The following TIMM22 variants were observed in gnomAD, a reference collection of about 807,000 sequenced individuals.
TIMM22 encodes the protein mitochondrial import inner membrane translocase subunit Tim22.
TIMM22 carries 12 observed loss-of-function variants against 18.3 expected under a neutral mutation model. That is an observed-to-expected ratio of 0.65 (90% confidence interval 0.42 to 1.06). TIMM22 has a LOEUF of 1.06. Ranked by LOEUF, TIMM22 falls within the 50% of genes least tolerant of loss-of-function variation. The pLI is 0.00. For synonymous variants in TIMM22, 107 were observed against 98.5 expected (o/e 1.09, Z -0.51); for missense variants, 278 against 252.8 (o/e 1.10, Z -0.68).
Position 997,388 on chromosome 17 carries a change from C to T in TIMM22, c.238+8C>T. The T allele has an allele frequency of 2.5e-6, 4 of 1,610,714 alleles. No homozygotes were observed. Among genetic ancestry groups the T allele is most frequent in the East Asian group, 4.5e-5 (2 of 44,788 alleles). On this transcript the variant is annotated splice_region_variant and intron_variant, in intron 1 of 3. Transcript: ENST00000327158. ...CGCTGGCCTGCGTGGGAGGTGAGGC[C>T]GGGCGATGGGACCCTTGGGAGGCTG...
At chr17:998,452 AAG>A (rs1229686363) in intron 1 of TIMM22, among the ~76,000 whole-genome samples, 1 of 152,234 alleles carries the variant, frequency 6.6e-6, no homozygotes, top group African/African-American at 2.4e-5. Flanking sequence ...CACAGTGGCC[AAG>A]AGAGTGATTT....
rs2069692488 is a variant in TIMM22, at chr17:997,287, G to A, written c.145G>A (p.Gly49Arg). 1 of 1,613,658 alleles carries A rather than the reference G, an allele frequency of 6.2e-7. No homozygotes were observed. Among genetic ancestry groups the A allele is most frequent in the African/African-American group, 1.3e-5 (1 of 74,946 alleles). ...GCTCCTGGAGCCTGGGAGCCTGGGC[G>A]GGATCCCAAGTCCAGCCAAGAGTGA... ...PRLLEPGSLG[G>R]IPSPAKSEEQ... The change falls in exon 1 of 4, where the codon GGG (glycine) becomes AGG (arginine). Residue 49 changes from glycine to arginine, a missense_variant. Coordinates refer to ENST00000327158, the MANE Select transcript of TIMM22 (RefSeq NM_013337.4).
At position 1,003,297 on chromosome 17, in the gene TIMM22, T is replaced by C. The variant is rs2069798067; in HGVS notation, c.*2209T>C. 1 of 152,290 alleles carries C rather than the reference T, an allele frequency of 6.6e-6. No individual in the cohort carries two copies. 9.4% of individuals were successfully genotyped at this position (152,290 alleles called of 1,614,324 possible). On this transcript the variant is annotated 3_prime_UTR_variant, in exon 4 of 4. Transcript: ENST00000327158. ...AAAGGTGAGCCAGAAGCAGCCTGGATGCTGGCTGATCCGGAGGCCTTTGTG... is the reference window on the plus strand; with the variant it reads ...AAAGGTGAGCCAGAAGCAGCCTGGACGCTGGCTGATCCGGAGGCCTTTGTG...
rs1399785643 is a variant in TIMM22, at chr17:1,003,531, A to AAAT, written c.*2444_*2446dup. 6.5e-6 allele frequency: 1 copy of AAAT among 152,694 alleles called. No homozygotes were observed. Among genetic ancestry groups the AAAT allele is most frequent in the East Asian group, 1.9e-4 (1 of 5,200 alleles). The allele number at this position is 152,694 out of a possible 1,614,324, so 9.5% of individuals were successfully genotyped here. On this transcript the variant is annotated 3_prime_UTR_variant, in exon 4 of 4. Coordinates refer to ENST00000327158, the MANE Select transcript of TIMM22 (RefSeq NM_013337.4). ...CACACCACAGGGCTGAGTTTTGTGC[A>AAAT]AATGATGGGGCTTTGCATTTTTTAT...
Position 1,001,940 on chromosome 17 carries a change from C to T in TIMM22, c.*852C>T, listed in dbSNP as rs144787394. On this transcript the variant is annotated 3_prime_UTR_variant, in exon 4 of 4. Transcript: ENST00000327158. ...CTGCCTTCACGACGTGACTGCTGGA[C>T]CTGGCCGAGCTTGAGGCCACATGTG... 3 of 152,260 alleles carry T rather than the reference C, an allele frequency of 2.0e-5. No homozygotes were observed. The highest frequency in any genetic ancestry group is 4.4e-5 in the Non-Finnish European group (3 of 68,026). The allele number at this position is 152,260 out of a possible 1,614,324, so 9.4% of individuals were successfully genotyped here. A position where few individuals can be genotyped will look rare whatever the true frequency, so the allele number is the denominator to read the frequency against.
At position 997,163 on chromosome 17, in the gene TIMM22, T is replaced by C; in HGVS notation, c.21T>C (p.Asn7=). The C allele has an allele frequency of 3.1e-6, 5 of 1,609,542 alleles. No homozygotes were observed. The highest frequency in any genetic ancestry group is 4.2e-6 in the Non-Finnish European group (5 of 1,179,008). Residue 7 remains asparagine, a synonymous_variant, in exon 1 of 4, where the codon AAT becomes AAC. Coordinates refer to ENST00000327158, the MANE Select transcript of TIMM22 (RefSeq NM_013337.4). MAAAAP[N]AGGSAPETAG... ...CTGTCATGGCGGCGGCCGCCCCCAA[T>C]GCCGGAGGCTCGGCCCCTGAGACAG...
intron 2 of TIMM22, 93 bp from the exon 3 acceptor site, chr17:999,419 C>G: frequency 4.2e-6 from 5 of 1,196,322 alleles, no homozygotes; most frequent in Non-Finnish European, 5.9e-6. Context: ...TGGGTAGGGA[C>G]TGAATGAGCT....
rs1298707432 is a variant in TIMM22 at position 1,002,324 on chromosome 17, G to A, written c.*1236G>A. The A allele has an allele frequency of 1.3e-5, 2 of 152,232 alleles. No individual in the cohort carries two copies. The highest frequency in any genetic ancestry group is 2.4e-5 in the African/African-American group (1 of 41,442). The allele number at this position is 152,232 out of a possible 1,614,324, so 9.4% of individuals were successfully genotyped here. On this transcript the variant is annotated 3_prime_UTR_variant, in exon 4 of 4. Transcript: ENST00000327158. The stretch of plus-strand genomic sequence containing the variant: ...CTGGGCACCTTCAGCCAGTGGTGAT[G>A]AGTCTCCTTTTTCCTATAATACGGT...
In TIMM22 at chr17:1,002,353, T is replaced by G. The variant is rs2150667997; in HGVS notation, c.*1265T>G. 1 of 152,248 alleles carries G rather than the reference T, an allele frequency of 6.6e-6. No individual in the cohort carries two copies. The highest frequency in any genetic ancestry group is 1.9e-4 in the East Asian group (1 of 5,174). 9.4% of individuals were successfully genotyped at this position (152,248 alleles called of 1,614,324 possible). A position where few individuals can be genotyped will look rare whatever the true frequency, so the allele number is the denominator to read the frequency against. ...CTCCTTTTTCCTATAATACGGTAATTCCTCTATCCTTTCCTTTTTTGCCTT... is the reference window on the plus strand; with the variant it reads ...CTCCTTTTTCCTATAATACGGTAATGCCTCTATCCTTTCCTTTTTTGCCTT... On this transcript the variant is annotated 3_prime_UTR_variant, in exon 4 of 4. Transcript: ENST00000327158.
rs1282822548 is a variant in TIMM22 at position 1,003,429 on chromosome 17, ACT to A, written c.*2343_*2344del. 6.6e-6 allele frequency: 1 copy of A among 152,454 alleles called. No homozygotes were observed. The highest frequency in any genetic ancestry group is 1.9e-4 in the East Asian group (1 of 5,178). The allele number at this position is 152,454 out of a possible 1,614,324, so 9.4% of individuals were successfully genotyped here. A position where few individuals can be genotyped will look rare whatever the true frequency, so the allele number is the denominator to read the frequency against. On this transcript the variant is annotated 3_prime_UTR_variant, in exon 4 of 4. Coordinates refer to ENST00000327158, the MANE Select transcript of TIMM22 (RefSeq NM_013337.4). ...GAACTAGGTAAACAGATTCCTGGAAACTCACATCTGGATGCAGCTGGAAGAGT... is the reference window on the plus strand; with the variant it reads ...GAACTAGGTAAACAGATTCCTGGAAACACATCTGGATGCAGCTGGAAGAGT...
Position 999,567 on chromosome 17 carries a change from G to A in TIMM22, c.491G>A (p.Gly164Glu). ...NSVISGCITGGAIGFRAGLKA... is the reference protein window; with the variant it reads ...NSVISGCITGEAIGFRAGLKA... Reference sequence around the variant, plus strand: ...GTCATCAGTGGCTGCATCACGGGAGGAGCTATTGGTTTCAGAGGTTAGTAA... The same window carrying A: ...GTCATCAGTGGCTGCATCACGGGAGAAGCTATTGGTTTCAGAGGTTAGTAA... Residue 164 changes from glycine to glutamate, a missense_variant, in exon 3 of 4, where the codon GGA (glycine) becomes GAA (glutamate). Gly to Glu is a moderately conservative substitution (Grantham distance 98). Coordinates refer to ENST00000327158, the MANE Select transcript of TIMM22 (RefSeq NM_013337.4). 1 of 1,613,406 alleles carries A rather than the reference G, an allele frequency of 6.2e-7. No individual in the cohort carries two copies. The highest frequency in any genetic ancestry group is 8.5e-7 in the Non-Finnish European group (1 of 1,179,760).
In TIMM22 at chr17:997,196, C is replaced by T. The variant is rs1423079245; in HGVS notation, c.54C>T (p.Ser18=). The change falls in exon 1 of 4, where the codon TCC becomes TCT. Residue 18 remains serine (S), a synonymous_variant. Coordinates refer to ENST00000327158, the MANE Select transcript of TIMM22 (RefSeq NM_013337.4). ...AGGSAPETAG[S]AEAPLQYSLL... ...GCTCGGCCCCTGAGACAGCGGGTTC[C>T]GCCGAAGCTCCGCTGCAGTACAGCC... 6.2e-7 allele frequency: 1 copy of T among 1,612,402 alleles called. No homozygotes were observed. The highest frequency in any genetic ancestry group is 8.5e-7 in the Non-Finnish European group (1 of 1,179,812).
chr17:1,001,173 T>C lies in TIMM22; in HGVS notation c.*85T>C. 7.0e-7 allele frequency: 1 copy of C among 1,427,424 alleles called. No homozygotes were observed. The highest frequency in any genetic ancestry group is 9.9e-7 in the Non-Finnish European group (1 of 1,014,952). 88.4% of individuals were successfully genotyped at this position (1,427,424 alleles called of 1,614,324 possible). A position where few individuals can be genotyped will look rare whatever the true frequency, so the allele number is the denominator to read the frequency against. ...ACAGTTTCTGTACCACACCAGGGCC[T>C]TGCTTCAGGGCCTGAAGACATTCAT... On this transcript the variant is annotated 3_prime_UTR_variant, in exon 4 of 4. Transcript: ENST00000327158.
intron 1 of TIMM22, 59 bp from the exon 2 acceptor site, chr17:998,720 C>G: frequency 6.4e-7 from 1 of 1,553,468 alleles, no homozygotes; most frequent in East Asian, 2.3e-5. Flanking sequence ...CAGGATGATC[C>G]CAATAGAGTA....
At chr17:998,734 C>G (rs760134010) in intron 1 of TIMM22, 45 bp from the exon 2 acceptor site, 1 of 1,591,002 alleles carries the variant, frequency 6.3e-7, no homozygotes, top group Non-Finnish European at 8.6e-7. Flanking sequence ...TAGAGTAATG[C>G]AGAAAACATG....
chr17:997,321 AGAT>A lies in TIMM22; in HGVS notation c.183_185del (p.Met61del). On this transcript the variant is annotated inframe_deletion, in exon 1 of 4. Transcript: ENST00000327158. ...AGTCCAGCCAAGAGTGAGGAGCAGA[AGAT>A]GATCGAGAAGGCGATGGAAAGCTGC... is the stretch of plus-strand genomic sequence containing the variant. The A allele has an allele frequency of 6.2e-7, 1 of 1,613,910 alleles. No individual in the cohort carries two copies. The highest frequency in any genetic ancestry group is 1.3e-5 in the African/African-American group (1 of 75,060).
rs1289998828 is a variant in TIMM22 at position 1,001,294 on chromosome 17, A to G, written c.*206A>G. 12 of 531,122 alleles carry G rather than the reference A, an allele frequency of 2.3e-5. No individual in the cohort carries two copies. The Admixed American group carries it at 2.5e-4, about 11-fold the overall frequency. 32.9% of individuals were successfully genotyped at this position (531,122 alleles called of 1,614,324 possible). On this transcript the variant is annotated 3_prime_UTR_variant, in exon 4 of 4. Transcript: ENST00000327158. ...ACTTTGCTGCTCCTGGACTCCAGCCAGCCTTCACAGAGGACGTCCCGTGCC... is the reference window on the plus strand; with the variant it reads ...ACTTTGCTGCTCCTGGACTCCAGCCGGCCTTCACAGAGGACGTCCCGTGCC...
At chr17:999,350 T>TACACATACATAC (rs371102749) in intron 2 of TIMM22, among the ~76,000 whole-genome samples, 162 bp from the exon 3 acceptor site, 3 of 126,728 alleles carry the variant, frequency 2.4e-5, no homozygotes, top group African/African-American at 1.2e-4. Flanking sequence ...TATATATATA[T>TACACATACATAC]ATATATATAC....
In TIMM22 at chr17:1,001,235, T is replaced by C. The variant is rs1161919606; in HGVS notation, c.*147T>C. 9.6e-6 allele frequency: 8 copies of C among 831,748 alleles called. No homozygotes were observed. The highest frequency in any genetic ancestry group is 2.3e-5 in the Admixed American group (1 of 42,740). The allele number at this position is 831,748 out of a possible 1,614,324, so 51.5% of individuals were successfully genotyped here. A position where few individuals can be genotyped will look rare whatever the true frequency, so the allele number is the denominator to read the frequency against. On this transcript the variant is annotated 3_prime_UTR_variant, in exon 4 of 4. Transcript: ENST00000327158. ...TCGTTGGTATTCTGAGGGAGCTGCC[T>C]GGCTTCTCTGCCTCCAGCCTTTGGG... is the stretch of plus-strand genomic sequence containing the variant.
Sources: allele counts gnomAD v4.1 joint callset (sites outside exome capture counted in the v4.1 genomes callset), GRCh38; gene constraint gnomAD v4.1.1; transcripts MANE v1.5; gene names NCBI Gene and HGNC (gene_info 2026-07-23, HGNC 2026-07-21).